The following KSR2 variants were observed in gnomAD, a reference collection of about 807,000 sequenced individuals.
The protein encoded by KSR2 is kinase suppressor of ras 2.
A neutral mutation model predicts 107.8 loss-of-function variants in KSR2; 25 were observed. The ratio of observed to expected loss-of-function variants is 0.23; its 90% CI spans 0.17 to 0.32. The LOEUF (loss-of-function observed/expected upper bound fraction) is 0.32. Among genes scored for constraint, KSR2 ranks in the 10% least tolerant of loss-of-function variants. The pLI is 1.00. For synonymous variants in KSR2, 480 were observed against 507.0 expected, an observed-to-expected ratio of 0.95 and a Z score of 0.71; for missense variants, 887 against 1,268.9, an observed-to-expected ratio of 0.70 and a Z score of 4.57.
At chr12:117,727,800 C>A (rs1887495151) in intron 4 of KSR2, among the ~76,000 whole-genome samples, 1 of 151,962 alleles carries the variant, frequency 6.6e-6, no homozygotes, top group Non-Finnish European at 1.5e-5. Flanking sequence ...TTACAGCAAC[C>A]CGAGGAAACA....
At chr12:117,618,528 C>T (rs182043943) in intron 5 of KSR2, among the ~76,000 whole-genome samples, 3 of 152,108 alleles carry the variant, frequency 2.0e-5, no homozygotes, top group African/African-American at 7.2e-5. Flanking sequence ...TGGCTGTGCC[C>T]CACCCCCCAA....
Position 117,856,546 on chromosome 12 carries a change from G to A in KSR2, c.322-968C>T, listed in dbSNP as rs536077807. On this transcript the variant is annotated intron_variant, in intron 2 of 19. Coordinates refer to ENST00000339824, the MANE Select transcript of KSR2 (RefSeq NM_173598.6). The stretch of plus-strand genomic sequence containing the variant: ...GGCTGGAGTGCAATGGCGCGATCTC[G>A]GCTCACTGCAACATCCACCTCCCGG... 6.3e-4 allele frequency among the ~76,000 whole-genome samples: 96 copies of A among 152,050 alleles called. 1 individual carries two copies. The highest frequency in any genetic ancestry group is 6.8e-3 in the Middle Eastern group (2 of 294).
At chr12:117,509,001 T>C (rs191588142) in intron 14 of KSR2, among the ~76,000 whole-genome samples, 9 of 150,174 alleles carry the variant, frequency 6.0e-5, no homozygotes, top group Admixed American at 5.3e-4. Context: ...CAGAGGGTGA[T>C]TGGATGGGCA....
At chr12:117,845,965 C>T (rs186923418) in intron 3 of KSR2, among the ~76,000 whole-genome samples, 2 of 151,920 alleles carry the variant, frequency 1.3e-5, no homozygotes, top group East Asian at 3.9e-4. Context: ...GCTAGGATTA[C>T]AGGCGTGAAC....
chr12:117,676,606 A>G (rs554301146), intron 4 of KSR2, among the ~76,000 whole-genome samples: 1 of 152,316 alleles, frequency 6.6e-6, no homozygotes, highest in African/African-American at 2.4e-5. Context: ...TAAGTAAACT[A>G]TAGTATAGAT....
intron 12 of KSR2, among the ~76,000 whole-genome samples, chr12:117,527,336 C>T (rs948611939): frequency 7.7e-6 from 1 of 130,488 alleles, no homozygotes; most frequent in African/African-American, 3.6e-5. Context: ...GACACACACA[C>T]ACACACACAC....
At chr12:117,793,499 ACCCT>A (rs1890377523) in intron 3 of KSR2, among the ~76,000 whole-genome samples, 1 of 144,094 alleles carries the variant, frequency 6.9e-6, no homozygotes, top group Admixed American at 6.9e-5. Flanking sequence ...ACATGCACAC[ACCCT>A]TACACCAATA....
intron 4 of KSR2, among the ~76,000 whole-genome samples, chr12:117,713,139 TAGATA>T (rs1324215868): frequency 6.6e-6 from 1 of 150,674 alleles, no homozygotes; most frequent in Non-Finnish European, 1.5e-5. Flanking sequence ...TCTAGATAGA[TAGATA>T]AAAGATAGAA....
intron 5 of KSR2, among the ~76,000 whole-genome samples, chr12:117,659,169 G>A (rs529685615): frequency 6.6e-6 from 1 of 152,262 alleles, no homozygotes; most frequent in Admixed American, 6.5e-5. Flanking sequence ...ACCTGACCGA[G>A]GATCAGGACT....
At chr12:117,592,112 TC>T (rs1349979015) in intron 5 of KSR2, among the ~76,000 whole-genome samples, 3 of 150,726 alleles carry the variant, frequency 2.0e-5, no homozygotes, top group East Asian at 3.9e-4. Flanking sequence ...AAAATCGCTT[TC>T]CCCCCAACTT....
At chr12:117,716,377 T>G (rs1047180060) in intron 4 of KSR2, among the ~76,000 whole-genome samples, 2 of 152,202 alleles carry the variant, frequency 1.3e-5, no homozygotes, top group African/African-American at 4.8e-5. Flanking sequence ...ACTGGCCACA[T>G]GTGGCTAGAG....
chr12:117,715,081 C>T (rs1297822315), intron 4 of KSR2, among the ~76,000 whole-genome samples: 1 of 152,072 alleles, frequency 6.6e-6, no homozygotes, highest in Non-Finnish European at 1.5e-5. Flanking sequence ...TGTGTTGCCC[C>T]TGGATACATA....
intron 4 of KSR2, among the ~76,000 whole-genome samples, chr12:117,677,487 A>G (rs1170667801): frequency 1.3e-4 from 20 of 152,146 alleles, no homozygotes; most frequent in Non-Finnish European, 2.9e-5. Context: ...CAACACCTCG[A>G]TCTTGGACTT....
chr12:117,699,514 C>G (rs1012115984), intron 4 of KSR2, among the ~76,000 whole-genome samples: 1 of 152,212 alleles, frequency 6.6e-6, no homozygotes, highest in Non-Finnish European at 1.5e-5. Flanking sequence ...CAAATCAGTA[C>G]AGCATGTTAC....
At chr12:117,489,559 A>G (rs1032661109) in intron 14 of KSR2, among the ~76,000 whole-genome samples, 1 of 152,038 alleles carries the variant, frequency 6.6e-6, no homozygotes, top group Non-Finnish European at 1.5e-5. Context: ...AAAAAAAAAA[A>G]AAAAAAAAGT....
chr12:117,923,635 A>G (rs1389912673), intron 1 of KSR2, among the ~76,000 whole-genome samples: 2 of 152,156 alleles, frequency 1.3e-5, no homozygotes, highest in Non-Finnish European at 2.9e-5. Flanking sequence ...ACTGCACTCC[A>G]CAGACTTTTG....
chr12:117,708,688 G>A (rs1013682336), intron 4 of KSR2, among the ~76,000 whole-genome samples: 6 of 152,106 alleles, frequency 3.9e-5, no homozygotes, highest in Non-Finnish European at 5.9e-5. Context: ...TCCAGGAGCC[G>A]CCCACATCTA....
chr12:117,849,726 CACAGAG>C (rs201491663), intron 3 of KSR2, among the ~76,000 whole-genome samples: 5 of 152,144 alleles, frequency 3.3e-5, no homozygotes, highest in African/African-American at 7.2e-5. Flanking sequence ...GACAGACAGA[CACAGAG>C]ACAGAGACAG....
intron 3 of KSR2, among the ~76,000 whole-genome samples, chr12:117,854,292 C>T (rs1411395734): frequency 6.6e-6 from 1 of 152,216 alleles, no homozygotes; most frequent in East Asian, 1.9e-4. Flanking sequence ...CAGGCGTGAG[C>T]CAGTGTGCCC....
Sources: allele counts gnomAD v4.1 joint callset (sites outside exome capture counted in the v4.1 genomes callset), GRCh38; gene constraint gnomAD v4.1.1; transcripts MANE v1.5; gene names NCBI Gene and HGNC (gene_info 2026-07-23, HGNC 2026-07-21).